Variants in TBC1D9 observed in about 807,000 individuals in gnomAD.
TBC1D9 encodes TBC1 domain family member 9.
TBC1D9 carries 63 observed loss-of-function variants against 132.0 expected under a neutral mutation model. The observed-to-expected ratio is 0.48, with a 90% CI of 0.39 to 0.59. TBC1D9 has a LOEUF of 0.59. Ranked by LOEUF, TBC1D9 falls within the 20% of genes least tolerant of loss-of-function variation. TBC1D9 has a pLI of 0.00. For missense variants in TBC1D9, 1,261 were observed against 1,592.7 expected (o/e 0.79, Z 3.54); for synonymous variants, 610 against 609.9 (o/e 1.00, Z 0.00).
At chr4:140,679,320 A>C in intron 4 of TBC1D9, 117 bp from the exon 5 acceptor site, 1 of 1,126,030 alleles carries the variant, frequency 8.9e-7, no homozygotes, top group Non-Finnish European at 1.3e-6. Context: ...TTATAATACC[A>C]TATTTGTTTT....
intron 7 of TBC1D9, chr4:140,670,480 AT>A: frequency 2.0e-6 from 1 of 504,224 alleles, no homozygotes; most frequent in Non-Finnish European, 3.6e-6. Flanking sequence ...ACTAGAACAG[AT>A]TACTTAAGAA....
At chr4:140,633,711 T>C (rs1313957234) in intron 16 of TBC1D9, among the ~76,000 whole-genome samples, 2 of 152,170 alleles carry the variant, frequency 1.3e-5, no homozygotes, top group Non-Finnish European at 2.9e-5. Context: ...GGTTTCAGTG[T>C]TTATGTTGGC....
chr4:140,661,403 A>T (rs1048182109), intron 10 of TBC1D9, among the ~76,000 whole-genome samples: 2 of 152,224 alleles, frequency 1.3e-5, no homozygotes, highest in Non-Finnish European at 2.9e-5. Flanking sequence ...ATTATTACTT[A>T]AGAGGATGCA....
rs1367902526 is a variant in TBC1D9 at position 140,687,360 on chromosome 4, A to G, written c.242-898T>C. Among the ~76,000 whole-genome samples the G allele has an allele frequency of 1.8e-3, 112 of 61,214 alleles. 1 individual carries two copies. The highest frequency in any genetic ancestry group is 6.2e-3 in the African/African-American group (98 of 15,740). 40.2% of individuals were successfully genotyped at this position (61,214 alleles called of 152,430 possible). ...GTGTGTGTCATATATATATATATAT[A>G]TATATATATATATATATATATATAT... is the stretch of plus-strand genomic sequence containing the variant. On this transcript the variant is annotated intron_variant, in intron 2 of 20. Transcript: ENST00000442267.
chr4:140,733,102 A>G (rs770855765), intron 1 of TBC1D9, among the ~76,000 whole-genome samples: 6 of 152,188 alleles, frequency 3.9e-5, no homozygotes, highest in Non-Finnish European at 8.8e-5. Context: ...ATGTACCTCT[A>G]TAGCCATAAG....
Position 140,677,025 on chromosome 4 carries a change from G to A in TBC1D9, c.928C>T (p.His310Tyr). 6.2e-7 allele frequency: 1 copy of A among 1,613,944 alleles called. No homozygotes were observed. The highest frequency in any genetic ancestry group is 8.5e-7 in the Non-Finnish European group (1 of 1,179,884). Reference protein sequence around the residue: ...RLPKDEKLDGHTDCTLWTPFN... With the variant: ...RLPKDEKLDGYTDCTLWTPFN... ...GGAGTCCAGAGAGTGCAGTCTGTGT[G>A]GCCATCTAATTTTTCATCTTTGGGC... The change falls in exon 6 of 21, where the codon CAC (histidine) becomes TAC (tyrosine). Residue 310 changes from histidine to tyrosine, a missense_variant. Physicochemically the swap from His to Tyr is moderately conservative, Grantham distance 83 (BLOSUM62 2). Around this residue, in one of 3 missense-constraint regions of TBC1D9, gnomAD observed 550 missense variants for 699.0 expected, o/e 0.79. Coordinates refer to ENST00000442267, the MANE Select transcript of TBC1D9 (RefSeq NM_015130.3).
Position 140,624,207 on chromosome 4 carries a change from T to G in TBC1D9, c.2987A>C (p.Asn996Thr). ...SLKPDKGKRANSQENRNYLRL... is the reference protein window; with the variant it reads ...SLKPDKGKRATSQENRNYLRL... Reference sequence around the variant, plus strand: ...CAAATAATTACGATTTTCTTGGGAATTTGCTCTCTTCCCTACAACCCAAAT... The same window carrying G: ...CAAATAATTACGATTTTCTTGGGAAGTTGCTCTCTTCCCTACAACCCAAAT... The change falls in exon 20 of 21, where the codon AAT (asparagine) becomes ACT (threonine). Residue 996 changes from asparagine to threonine, a missense_variant. Physicochemically the swap from Asn to Thr is moderately conservative, Grantham distance 65. Transcript: ENST00000442267. 6.2e-7 allele frequency: 1 copy of G among 1,611,866 alleles called. No homozygotes were observed. The highest frequency in any genetic ancestry group is 8.5e-7 in the Non-Finnish European group (1 of 1,178,804).
rs1013303420 is a variant in TBC1D9 at position 140,706,555 on chromosome 4, A to AT, written c.131-4942dup. On this transcript the variant is annotated intron_variant, in intron 1 of 20. Coordinates refer to ENST00000442267, the MANE Select transcript of TBC1D9 (RefSeq NM_015130.3). The surrounding 1 kb of genome is among the most constrained non-coding windows in gnomAD (Gnocchi z 4.0). The stretch of plus-strand genomic sequence containing the variant: ...ACTTTGCCTTACCTGCTTCCGATCT[A>AT]TTTTTTTTTTTAACAGAAAGAAAAG... 5.8e-4 allele frequency among the ~76,000 whole-genome samples: 86 copies of AT among 147,100 alleles called. 1 individual carries two copies. Among genetic ancestry groups the AT allele is most frequent in the East Asian group, 2.8e-3 (14 of 5,070 alleles).
chr4:140,690,064 C>A (rs1737853661), intron 2 of TBC1D9, among the ~76,000 whole-genome samples: 1 of 151,864 alleles, frequency 6.6e-6, no homozygotes, highest in Non-Finnish European at 1.5e-5. Flanking sequence ...TTTCTTTATG[C>A]ACACATTTCT....
intron 13 of TBC1D9, among the ~76,000 whole-genome samples, chr4:140,641,145 C>T (rs569444707): frequency 7.0e-6 from 1 of 143,302 alleles, no homozygotes; most frequent in South Asian, 2.2e-4. Context: ...CCGTGAGATT[C>T]CATTTGTATC....
chr4:140,669,981 G>T (rs975361344), intron 7 of TBC1D9, among the ~76,000 whole-genome samples, 177 bp from the exon 8 acceptor site: 1 of 152,174 alleles, frequency 6.6e-6, no homozygotes, highest in Non-Finnish European at 1.5e-5. Context: ...TTAGACAGGT[G>T]GCTGGGTCCC....
chr4:140,694,024 T>A (rs537668695), intron 2 of TBC1D9, among the ~76,000 whole-genome samples: 1 of 152,334 alleles, frequency 6.6e-6, no homozygotes, highest in South Asian at 2.1e-4. Context: ...GCTAGACATA[T>A]TAATTACATG....
At chr4:140,667,447 T>C (rs1737465235) in intron 9 of TBC1D9, among the ~76,000 whole-genome samples, 1 of 152,234 alleles carries the variant, frequency 6.6e-6, no homozygotes, top group African/African-American at 2.4e-5. Context: ...GTTTACTCTG[T>C]CAGTGATCTG....
intron 15 of TBC1D9, among the ~76,000 whole-genome samples, chr4:140,635,990 G>A (rs1474961587): frequency 6.6e-6 from 1 of 152,154 alleles, no homozygotes; most frequent in East Asian, 1.9e-4. Context: ...CTTAACCTGA[G>A]CTACATCGGT....
chr4:140,737,002 G>A (rs1395933723), intron 1 of TBC1D9, among the ~76,000 whole-genome samples: 1 of 152,158 alleles, frequency 6.6e-6, no homozygotes, highest in Non-Finnish European at 1.5e-5. Flanking sequence ...CATGGCCAAG[G>A]GTGTGGGGGC....
chr4:140,635,471 G>T (rs1489880683), intron 15 of TBC1D9, among the ~76,000 whole-genome samples: 5 of 152,128 alleles, frequency 3.3e-5, no homozygotes, highest in Admixed American at 6.5e-5. Context: ...GACAGAGTGA[G>T]ACCCTGTCTT....
At chr4:140,650,235 C>T (rs1199920507) in intron 13 of TBC1D9, among the ~76,000 whole-genome samples, 1 of 152,238 alleles carries the variant, frequency 6.6e-6, no homozygotes, top group East Asian at 1.9e-4. Context: ...CATGAACAGG[C>T]AGCCAGTAGG....
rs1262760089 is a variant in TBC1D9, at chr4:140,622,536, C to T, written c.3460G>A (p.Asp1154Asn). Residue 1154 changes from aspartate to asparagine, a missense_variant, in exon 21 of 21, where the codon GAC becomes AAC. Physicochemically the swap from Asp to Asn is conservative, Grantham distance 23. This residue lies in a region of TBC1D9 where 618 missense variants were observed against 724.4 expected (regional missense o/e 0.85). Transcript: ENST00000442267. ...ATGGAGCTGTCGTCCTTGGTGTCGT[C>T]GTCAGAGATCAGCATGGAGGAGCAG... ...GACSSMLISDDDTKDDSSMSS... is the reference protein window; with the variant it reads ...GACSSMLISDNDTKDDSSMSS... 6.2e-7 allele frequency: 1 copy of T among 1,614,038 alleles called. No individual in the cohort carries two copies. Among genetic ancestry groups the T allele is most frequent in the Non-Finnish European group, 8.5e-7 (1 of 1,179,902 alleles).
Position 140,657,832 on chromosome 4 carries a change from A to G in TBC1D9, c.1922-20T>C, listed in dbSNP as rs1344493904. 1.3e-6 allele frequency: 2 copies of G among 1,597,170 alleles called. No homozygotes were observed. The highest frequency in any genetic ancestry group is 1.7e-6 in the Non-Finnish European group (2 of 1,172,260). On this transcript the variant is annotated intron_variant, in intron 11 of 20. Coordinates refer to ENST00000442267, the MANE Select transcript of TBC1D9 (RefSeq NM_015130.3). ...GTGCACCTGTGGCAGCGATGTATAC[A>G]AAAAGGCGCAGCTTAGCCAACTACA...
Sources: allele counts gnomAD v4.1 joint callset (sites outside exome capture counted in the v4.1 genomes callset), GRCh38; gene constraint gnomAD v4.1.1; regional missense constraint gnomAD v4.1.1; non-coding constraint Gnocchi (gnomAD v3.1); transcripts MANE v1.5; gene names NCBI Gene and HGNC (gene_info 2026-07-23, HGNC 2026-07-21).